The following ROBO1 variants were observed in gnomAD, a reference collection of about 807,000 sequenced individuals.
ROBO1 encodes roundabout homolog 1.
Under a neutral mutation model 195.9 loss-of-function variants are expected in ROBO1, and 149 were observed. The ratio of observed to expected loss-of-function variants is 0.76; its 90% CI spans 0.67 to 0.87. The LOEUF is 0.87. ROBO1 is among the 40% of genes least tolerant of loss of function. The pLI is 0.00. For synonymous variants in ROBO1, 816 were observed against 733.2 expected, an observed-to-expected ratio of 1.11 and a Z score of -1.82; for missense variants, 1,933 against 2,068.3, an observed-to-expected ratio of 0.93 and a Z score of 1.27.
chr3:78,653,350 A>G (rs1364443433), intron 18 of ROBO1, among the ~76,000 whole-genome samples: 1 of 152,038 alleles, frequency 6.6e-6, no homozygotes, highest in Non-Finnish European at 1.5e-5. Flanking sequence ...CAGTGACCCC[A>G]CACCCCTCAT....
intron 3 of ROBO1, among the ~76,000 whole-genome samples, chr3:79,097,575 C>T (rs1258532221): frequency 3.3e-5 from 5 of 151,644 alleles, no homozygotes; most frequent in Non-Finnish European, 5.9e-5. Flanking sequence ...ATCAAATTGG[C>T]TTTATGTCAA....
At chr3:79,089,094 T>G (rs757968826) in intron 3 of ROBO1, among the ~76,000 whole-genome samples, 10 of 152,178 alleles carry the variant, frequency 6.6e-5, no homozygotes, top group Non-Finnish European at 1.3e-4. Context: ...CAAAATGTAT[T>G]AATTCCCAGT....
chr3:79,507,161 G>A (rs1465644832), intron 2 of ROBO1, among the ~76,000 whole-genome samples: 4 of 152,182 alleles, frequency 2.6e-5, no homozygotes, highest in African/African-American at 9.7e-5. Flanking sequence ...TTAAAAGCAG[G>A]AGAGTGAGGA....
intron 4 of ROBO1, among the ~76,000 whole-genome samples, chr3:78,768,398 A>C: frequency 6.6e-6 from 1 of 152,126 alleles, no homozygotes; most frequent in Middle Eastern, 3.4e-3. Context: ...GGAATTATAA[A>C]CTTTAAAAAA....
In ROBO1 at chr3:79,410,421, T is replaced by A. The variant is rs565941299; in HGVS notation, c.88+179403A>T. On this transcript the variant is annotated intron_variant, in intron 2 of 30. Coordinates refer to ENST00000464233, the MANE Select transcript of ROBO1 (RefSeq NM_002941.4). ...AAAGGTTTGGACTTTATGGTAAAAA[T>A]AAAAACAAAAATAAAACAAATGAAA... is the stretch of plus-strand genomic sequence containing the variant. Among the ~76,000 whole-genome samples, 9 of 151,846 alleles carry A rather than the reference T, an allele frequency of 5.9e-5. No homozygotes were observed. The East Asian group carries it at 9.7e-4, about 16-fold the overall frequency.
chr3:78,939,540 C>T (rs542175274), intron 3 of ROBO1, among the ~76,000 whole-genome samples: 2 of 151,250 alleles, frequency 1.3e-5, no homozygotes, highest in South Asian at 2.1e-4. Context: ...ATGGCGTGAA[C>T]CCGGGAGGCG....
intron 1 of ROBO1, among the ~76,000 whole-genome samples, chr3:79,611,713 A>G (rs1190004721): frequency 6.6e-6 from 1 of 152,104 alleles, no homozygotes; most frequent in Non-Finnish European, 1.5e-5. Flanking sequence ...CAGGGAGGGG[A>G]ACATCACATA....
At chr3:78,718,818 GA>G (rs1298975354) in intron 5 of ROBO1, among the ~76,000 whole-genome samples, 15 of 132,824 alleles carry the variant, frequency 1.1e-4, no homozygotes, top group African/African-American at 1.7e-4. Context: ...GAGGGAGGGA[GA>G]GAGGGAGAGA....
At chr3:79,334,311 A>AAATATAT (rs1553721943) in intron 2 of ROBO1, among the ~76,000 whole-genome samples, 5 of 131,754 alleles carry the variant, frequency 3.8e-5, no homozygotes, top group African/African-American at 1.4e-4. Context: ...AAAAAAAAAA[A>AAATATAT]ATATATATAT....
chr3:79,609,047 A>C (rs1944576263), intron 1 of ROBO1, among the ~76,000 whole-genome samples: 1 of 151,928 alleles, frequency 6.6e-6, no homozygotes, highest in South Asian at 2.1e-4. Flanking sequence ...TCTGCCATGT[A>C]AGGACACAGC....
intron 3 of ROBO1, among the ~76,000 whole-genome samples, chr3:78,945,514 T>C (rs747175597): frequency 2.0e-5 from 3 of 152,004 alleles, no homozygotes; most frequent in Non-Finnish European, 4.4e-5. Context: ...CAAAAACCCA[T>C]CTGTACCTCA....
rs2080129867 is a variant in ROBO1, at chr3:79,122,194, C to A, written c.172+3262G>T. Among the ~76,000 whole-genome samples, 3 of 151,926 alleles carry A rather than the reference C, an allele frequency of 2.0e-5. No individual in the cohort carries two copies. The South Asian group carries it at 6.2e-4, about 31-fold the overall frequency. ...GATTTGAAACCTCTTCTTACTTGTT[C>A]TTGCAACAAAGGCTATATGCCGCGA... On this transcript the variant is annotated intron_variant, in intron 3 of 30. Transcript: ENST00000464233.
At chr3:78,908,188 T>G (rs2038041414) in intron 4 of ROBO1, among the ~76,000 whole-genome samples, 2 of 152,006 alleles carry the variant, frequency 1.3e-5, no homozygotes, top group African/African-American at 4.8e-5. Flanking sequence ...TATATTTCAT[T>G]GCTCTTTTAA....
intron 4 of ROBO1, among the ~76,000 whole-genome samples, chr3:78,794,272 T>C (rs2084116224): frequency 6.6e-6 from 1 of 152,170 alleles, no homozygotes; most frequent in Non-Finnish European, 1.5e-5. Flanking sequence ...ATAATCATAA[T>C]GCTTACTTCA....
intron 2 of ROBO1, among the ~76,000 whole-genome samples, chr3:79,411,080 C>A (rs756289374): frequency 3.3e-5 from 5 of 152,084 alleles, no homozygotes; most frequent in South Asian, 2.1e-4. Flanking sequence ...ATTTCTATGT[C>A]TCTTTTTGAA....
chr3:79,552,008 A>AAAAAAAC (rs1314370393), intron 2 of ROBO1, among the ~76,000 whole-genome samples: 3 of 145,512 alleles, frequency 2.1e-5, no homozygotes, highest in African/African-American at 5.1e-5. Flanking sequence ...AAAAAAAAAA[A>AAAAAAAC]AAAAAACAGA....
At chr3:79,000,469 G>C (rs915837749) in intron 3 of ROBO1, among the ~76,000 whole-genome samples, 1 of 152,082 alleles carries the variant, frequency 6.6e-6, no homozygotes, top group South Asian at 2.1e-4. Context: ...CAAAGGATAT[G>C]AACAGACACT....
chr3:79,688,772 A>T (rs1947211818), intron 1 of ROBO1, among the ~76,000 whole-genome samples: 1 of 152,042 alleles, frequency 6.6e-6, no homozygotes, highest in Non-Finnish European at 1.5e-5. Flanking sequence ...ATTCTCCCAG[A>T]GTCCTAAAAT....
At chr3:79,205,824 C>T (rs2081856528) in intron 2 of ROBO1, among the ~76,000 whole-genome samples, 1 of 152,142 alleles carries the variant, frequency 6.6e-6, no homozygotes, top group Non-Finnish European at 1.5e-5. Context: ...TATCTTCCAA[C>T]ATGATAACTT....
Sources: gnomAD v4.1 joint callset for allele counts (sites outside exome capture counted in the v4.1 genomes callset) on GRCh38, gnomAD v4.1.1 for gene constraint, MANE v1.5 for transcripts, NCBI Gene and HGNC (gene_info 2026-07-23, HGNC 2026-07-21) for gene names.